PI4KA: variants seen among roughly 807,000 people sequenced by gnomAD.
PI4KA encodes the protein PI4-kinase alpha.
PI4KA carries 122 observed loss-of-function variants against 271.4 expected under a neutral mutation model. The ratio of observed to expected loss-of-function variants is 0.45; its 90% CI spans 0.39 to 0.52. PI4KA has a LOEUF of 0.52. Among genes scored for constraint, PI4KA ranks in the 20% least tolerant of loss-of-function variants. The pLI, the probability that PI4KA is intolerant of heterozygous loss-of-function variation, is 0.00. For missense variants in PI4KA, 1,969 were observed against 2,769.1 expected, an observed-to-expected ratio of 0.71 and a Z score of 6.48; for synonymous variants, 1,041 against 1,078.8, an observed-to-expected ratio of 0.96 and a Z score of 0.69.
chr22:20,778,743 G>A (rs897665829), intron 19 of PI4KA, among the ~76,000 whole-genome samples: 2 of 152,178 alleles, frequency 1.3e-5, no homozygotes, highest in African/African-American at 2.4e-5. Context: ...CCAGCCCCAG[G>A]TGCCCACTCA....
chr22:20,726,467 G>A, intron 42 of PI4KA, 21 bp downstream of exon 42: 1 of 1,543,764 alleles, frequency 6.5e-7, no homozygotes. Flanking sequence ...GAAGAGGACG[G>A]CCATGCAGGT....
rs566256200 is a variant in PI4KA, at chr22:20,813,582, T to C, written c.857-76A>G. The C allele has an allele frequency of 4.8e-5, 65 of 1,361,256 alleles. No individual in the cohort carries two copies. In the African/African-American group the frequency reaches 8.8e-4, roughly 18 times the overall value. The allele number at this position is 1,361,256 out of a possible 1,614,324, so 84.3% of individuals were successfully genotyped here. A position where few individuals can be genotyped will look rare whatever the true frequency, so the allele number is the denominator to read the frequency against. ...TACTTCCTCAAGCTGACTCCCCCAA[T>C]AACCAACAAAGGTGCAGATTTTGCC... On this transcript the variant is annotated intron_variant, in intron 7 of 54. Transcript: ENST00000255882.
Position 20,787,377 on chromosome 22 carries a change from G to A in PI4KA, c.2328+5816C>T, listed in dbSNP as rs775860769. 115 of 402,988 alleles carry A rather than the reference G, an allele frequency of 2.9e-4. 1 individual carries two copies. The highest frequency in any genetic ancestry group is 1.1e-3 in the African/African-American group (52 of 48,670). The allele number at this position is 402,988 out of a possible 1,614,324, so 25.0% of individuals were successfully genotyped here. On this transcript the variant is annotated intron_variant, in intron 19 of 54. Transcript: ENST00000255882. ...GCGCGTCCTAAGCACCTCCCGCTCC[G>A]GTGACCCCATCCTTGCACACCTGAC...
chr22:20,717,026 A>G (rs1926087429), intron 45 of PI4KA, among the ~76,000 whole-genome samples: 1 of 152,172 alleles, frequency 6.6e-6, no homozygotes, highest in Non-Finnish European at 1.5e-5. Flanking sequence ...CGGGCAGATC[A>G]CAAGGTCAGG....
At chr22:20,746,730 T>C (rs2147307119) in intron 29 of PI4KA, among the ~76,000 whole-genome samples, 1 of 152,322 alleles carries the variant, frequency 6.6e-6, no homozygotes, top group African/African-American at 2.4e-5. Context: ...TGGACCCAGC[T>C]CAACCATGTC....
chr22:20,728,390 T>C (rs1927621346), intron 39 of PI4KA, among the ~76,000 whole-genome samples: 1 of 152,240 alleles, frequency 6.6e-6, no homozygotes, highest in Non-Finnish European at 1.5e-5. Flanking sequence ...GCTGGAACTT[T>C]CTTAAAGAAA....
intron 19 of PI4KA, chr22:20,786,769 A>G: frequency 8.8e-7 from 1 of 1,136,662 alleles, no homozygotes; most frequent in South Asian, 1.3e-5. Flanking sequence ...TTTCCACCTT[A>G]CATGTTGTCT....
At chr22:20,822,951 T>C (rs531924184) in intron 4 of PI4KA, among the ~76,000 whole-genome samples, 1 of 152,356 alleles carries the variant, frequency 6.6e-6, no homozygotes, top group East Asian at 1.9e-4. Flanking sequence ...TCTCACTCTG[T>C]TATCCAGGCT....
At chr22:20,847,574 G>A (rs1207694769) in intron 1 of PI4KA, among the ~76,000 whole-genome samples, 2 of 152,080 alleles carry the variant, frequency 1.3e-5, no homozygotes. Flanking sequence ...GGAGTACATG[G>A]TGAAACCCAG....
intron 45 of PI4KA, among the ~76,000 whole-genome samples, chr22:20,716,111 C>T (rs1386338143): frequency 6.6e-6 from 1 of 151,896 alleles, no homozygotes; most frequent in Non-Finnish European, 1.5e-5. Flanking sequence ...AGCGCAGTGG[C>T]GCAATCTTGG....
intron 19 of PI4KA, among the ~76,000 whole-genome samples, chr22:20,792,182 A>G (rs139893406): frequency 5.3e-5 from 8 of 152,324 alleles, no homozygotes; most frequent in Admixed American, 5.2e-4. Flanking sequence ...ACTACTAAAG[A>G]TAAATAATGG....
chr22:20,811,161 C>T (rs1329317268), intron 8 of PI4KA, 129 bp from the exon 9 acceptor site: 8 of 718,080 alleles, frequency 1.1e-5, no homozygotes, highest in Non-Finnish European at 2.0e-5. Flanking sequence ...CCAATAAATA[C>T]AAATTATGGC....
At chr22:20,820,670 G>A (rs1434200979) in intron 4 of PI4KA, 59 bp from the exon 5 acceptor site, 63 of 1,194,846 alleles carry the variant, frequency 5.3e-5, no homozygotes, top group Non-Finnish European at 7.1e-5. Context: ...TAAATATCAC[G>A]AAACTAAGTC....
At chr22:20,801,002 T>G (rs1364064708) in intron 14 of PI4KA, among the ~76,000 whole-genome samples, 3 of 149,226 alleles carry the variant, frequency 2.0e-5, no homozygotes, top group South Asian at 2.2e-4. Context: ...GTGATTCTCC[T>G]GCCTCAGCCT....
At chr22:20,725,868 C>T (rs1269454788) in intron 42 of PI4KA, 2 of 187,786 alleles carry the variant, frequency 1.1e-5, no homozygotes, top group African/African-American at 2.4e-5. Flanking sequence ...GCTGAGATCA[C>T]GCCACTGCAC....
At chr22:20,779,546 C>T (rs768633737) in intron 19 of PI4KA, 1 of 1,614,076 alleles carries the variant, frequency 6.2e-7, no homozygotes, top group Non-Finnish European at 8.5e-7. Context: ...AGGACGACGA[C>T]TATCTGGACC....
At chr22:20,797,445 G>T (rs1011660051) in intron 17 of PI4KA, among the ~76,000 whole-genome samples, 2 of 152,112 alleles carry the variant, frequency 1.3e-5, no homozygotes, top group East Asian at 3.9e-4. Flanking sequence ...TCACATAGGC[G>T]CAAGGAAGCA....
chr22:20,787,034 A>G (rs773287877), intron 19 of PI4KA: 3 of 1,613,890 alleles, frequency 1.9e-6, no homozygotes, highest in South Asian at 1.1e-5. Context: ...CCTGCTCTTC[A>G]TGGGAAGAGT....
Position 20,707,959 on chromosome 22 carries a change from T to C in PI4KA, c.*88A>G, listed in dbSNP as rs1201926444. The C allele has an allele frequency of 8.7e-7, 1 of 1,155,596 alleles. No individual in the cohort carries two copies. The highest frequency in any genetic ancestry group is 1.3e-6 in the Non-Finnish European group (1 of 762,602). 71.6% of individuals were successfully genotyped at this position (1,155,596 alleles called of 1,614,324 possible). A position where few individuals can be genotyped will look rare whatever the true frequency, so the allele number is the denominator to read the frequency against. On this transcript the variant is annotated 3_prime_UTR_variant, in exon 55 of 55. Coordinates refer to ENST00000255882, the MANE Select transcript of PI4KA (RefSeq NM_058004.4). ...CCACAGGCCTCTCCTCCACTGCATG[T>C]GGCGGCAGGGCAGGGAGGTCGCAGG... is the stretch of plus-strand genomic sequence containing the variant.
Sources: allele counts gnomAD v4.1 joint callset (sites outside exome capture counted in the v4.1 genomes callset), GRCh38; gene constraint gnomAD v4.1.1; transcripts MANE v1.5; gene names NCBI Gene and HGNC (gene_info 2026-07-23, HGNC 2026-07-21).